The following XKR5 variants were observed in gnomAD, a reference collection of about 807,000 sequenced individuals.
XKR5 encodes the protein XK-related protein 5.
A neutral mutation model predicts 40.8 loss-of-function variants in XKR5; 46 were observed. That is an observed-to-expected ratio of 1.13 (90% CI 0.89 to 1.44). XKR5 has a LOEUF of 1.44. Ranked by LOEUF, XKR5 falls within the 40% of genes most tolerant of loss-of-function variation. The probability of loss-of-function intolerance (pLI) is 0.00; values close to 1 mark genes in which losing one functional copy is unlikely to be tolerated. For synonymous variants in XKR5, 466 were observed against 356.1 expected, an observed-to-expected ratio of 1.31 and a Z score of -3.48; for missense variants, 1,169 against 844.7, an observed-to-expected ratio of 1.38 and a Z score of -4.76.
intron 2 of XKR5, among the ~76,000 whole-genome samples, chr8:6,831,613 C>T (rs1004866497): frequency 1.3e-5 from 2 of 152,144 alleles, no homozygotes; most frequent in African/African-American, 2.4e-5. Flanking sequence ...CACACAGCAG[C>T]ATTGGCCACG....
intron 6 of XKR5, among the ~76,000 whole-genome samples, chr8:6,812,788 G>A (rs1803797302): frequency 6.6e-6 from 1 of 152,012 alleles, no homozygotes; most frequent in Non-Finnish European, 1.5e-5. Context: ...GGGAAGGGAG[G>A]GCATTAAGAA....
Position 6,815,912 on chromosome 8 carries a change from G to T in XKR5, c.814C>A (p.Leu272Met), listed in dbSNP as rs1348651770. 5 of 1,596,536 alleles carry T rather than the reference G, an allele frequency of 3.1e-6. No homozygotes were observed. The highest frequency in any genetic ancestry group is 4.3e-6 in the Non-Finnish European group (5 of 1,171,460). ...NRMVTFYMVM[L>M]LENIILLLLA... ...AGCAACAGGATGATGTTCTCCAACA[G>T]CATGACCTGCGGGACCCAGGACAGA... Residue 272 changes from leucine to methionine, a missense_variant, in exon 6 of 7, where the codon CTG becomes ATG. Coordinates refer to ENST00000618742, the MANE Select transcript of XKR5 (RefSeq NM_207411.5).
At chr8:6,832,627 G>C in intron 2 of XKR5, 90 bp downstream of exon 2, 2 of 1,529,330 alleles carry the variant, frequency 1.3e-6, no homozygotes, top group Admixed American at 1.9e-5. Context: ...ACTTTTATGA[G>C]CTTGAGGACA....
At position 6,832,871 on chromosome 8, in the gene XKR5, TGGTG is replaced by T. The variant is rs780779978; in HGVS notation, c.84_87del (p.Phe28LeufsTer24). 1.8e-5 allele frequency: 29 copies of T among 1,605,446 alleles called. No homozygotes were observed. Among genetic ancestry groups the T allele is most frequent in the Non-Finnish European group, 2.5e-5 (29 of 1,176,962 alleles). On this transcript the variant is annotated frameshift_variant, in exon 2 of 7. Transcript: ENST00000618742. LOFTEE classifies it high-confidence loss of function. ...AGCCACCCCCACAGAAGCCGTCCTG[TGGTG>T]AAGTAGTAAGCCACGGTGTAAAGGC...
intron 2 of XKR5, among the ~76,000 whole-genome samples, chr8:6,830,219 A>T (rs559565835): frequency 1.2e-4 from 19 of 152,252 alleles, no homozygotes; most frequent in African/African-American, 4.6e-4. Context: ...TGATGAGGAC[A>T]CTCAAAGTGA....
intron 2 of XKR5, among the ~76,000 whole-genome samples, chr8:6,829,958 C>G (rs548802585): frequency 1.3e-5 from 2 of 151,776 alleles, no homozygotes; most frequent in South Asian, 4.2e-4. Context: ...CTGCCTCAGC[C>G]TCCCAAGTAG....
intron 5 of XKR5, among the ~76,000 whole-genome samples, chr8:6,821,589 CA>C (rs1401078473): frequency 1.3e-5 from 2 of 152,254 alleles, no homozygotes. Flanking sequence ...TAATGATATT[CA>C]GCAGGTGGGC....
chr8:6,835,395 G>A, intron 1 of XKR5, 41 bp downstream of exon 1: 1 of 1,403,694 alleles, frequency 7.1e-7, no homozygotes, highest in Non-Finnish European at 9.2e-7. Flanking sequence ...GTGGGGTTAG[G>A]GGCTGCAGGG....
At chr8:6,823,069 G>A (rs1405484934) in intron 4 of XKR5, among the ~76,000 whole-genome samples, 3 of 152,188 alleles carry the variant, frequency 2.0e-5, no homozygotes, top group African/African-American at 7.2e-5. Flanking sequence ...TTAGCTGGGA[G>A]TGTTGAGGGC....
intron 3 of XKR5, 68 bp from the exon 4 acceptor site, chr8:6,823,798 C>T: frequency 1.3e-5 from 17 of 1,335,972 alleles, no homozygotes; most frequent in Non-Finnish European, 1.8e-5. Context: ...TGTGAAGATT[C>T]ACTCATGGCA....
rs190808374 is a variant in XKR5 at position 6,814,771 on chromosome 8, G to A, written c.919+1036C>T. The stretch of plus-strand genomic sequence containing the variant: ...GAAGAAGAACAGAGCTGAAACCCAG[G>A]GTGGCCTGTGGCTCTCAAATGCTTG... On this transcript the variant is annotated intron_variant, in intron 6 of 6. Coordinates refer to ENST00000618742, the MANE Select transcript of XKR5 (RefSeq NM_207411.5). Among the ~76,000 whole-genome samples the A allele has an allele frequency of 4.6e-5, 7 of 152,286 alleles. No individual in the cohort carries two copies. The East Asian group carries it at 1.3e-3, about 29-fold the overall frequency.
At chr8:6,814,918 C>A (rs1339494872) in intron 6 of XKR5, among the ~76,000 whole-genome samples, 4 of 152,214 alleles carry the variant, frequency 2.6e-5, no homozygotes, top group Admixed American at 2.6e-4. Flanking sequence ...CACATCCAAC[C>A]CCCGGCTGCT....
intron 1 of XKR5, among the ~76,000 whole-genome samples, chr8:6,835,168 T>A (rs1804957188): frequency 1.5e-5 from 2 of 137,224 alleles, no homozygotes; most frequent in South Asian, 4.8e-4. Flanking sequence ...CGGGAGGAAG[T>A]CAAGCACCAG....
intron 2 of XKR5, among the ~76,000 whole-genome samples, chr8:6,828,813 T>C (rs1804632883): frequency 6.6e-6 from 1 of 152,210 alleles, no homozygotes; most frequent in Non-Finnish European, 1.5e-5. Flanking sequence ...CTCCAATGCC[T>C]GAGGATAAAA....
At chr8:6,829,293 A>G (rs939966216) in intron 2 of XKR5, 8 of 169,270 alleles carry the variant, frequency 4.7e-5, no homozygotes, top group African/African-American at 1.9e-4. Context: ...TGCATTTACA[A>G]GTGGATTTGT....
At position 6,823,608 on chromosome 8, in the gene XKR5, G is replaced by C. The variant is rs373046775; in HGVS notation, c.550C>G (p.Leu184Val). ...MPWAALFCQQLWRMGMLGTRV... is the reference protein window; with the variant it reads ...MPWAALFCQQVWRMGMLGTRV... ...GTTCCCAACATGCCCATCCTCCAGAGCTGCTGGCAGAAGAGGGCGGCCCAT... is the reference window on the plus strand; with the variant it reads ...GTTCCCAACATGCCCATCCTCCAGACCTGCTGGCAGAAGAGGGCGGCCCAT... The change falls in exon 4 of 7, where the codon CTC (leucine) becomes GTC (valine). Residue 184 changes from leucine to valine, a missense_variant. Physicochemically the swap from Leu to Val is conservative, Grantham distance 32. Transcript: ENST00000618742. The C allele has an allele frequency of 5.2e-5, 83 of 1,595,844 alleles. No homozygotes were observed. Among genetic ancestry groups the C allele is most frequent in the Non-Finnish European group, 6.8e-5 (80 of 1,171,338 alleles).
Position 6,810,792 on chromosome 8 carries a change from G to A in XKR5, c.*406C>T, listed in dbSNP as rs1803642675. 6.2e-6 allele frequency: 1 copy of A among 162,500 alleles called. No homozygotes were observed. The highest frequency in any genetic ancestry group is 2.4e-5 in the African/African-American group (1 of 41,666). The allele number at this position is 162,500 out of a possible 1,614,324, so 10.1% of individuals were successfully genotyped here. Reference sequence around the variant, plus strand: ...ATACAGTTAGAATATATTAAAATGAGATTCATAACCGCTAAATGTGAGGCA... The same window carrying A: ...ATACAGTTAGAATATATTAAAATGAAATTCATAACCGCTAAATGTGAGGCA... On this transcript the variant is annotated 3_prime_UTR_variant, in exon 7 of 7. Coordinates refer to ENST00000618742, the MANE Select transcript of XKR5 (RefSeq NM_207411.5).
At position 6,811,719 on chromosome 8, in the gene XKR5, C is replaced by T. The variant is rs1461096194; in HGVS notation, c.1540G>A (p.Glu514Lys). Residue 514 changes from glutamate to lysine, a missense_variant, in exon 7 of 7, where the codon GAA becomes AAA. Coordinates refer to ENST00000618742, the MANE Select transcript of XKR5 (RefSeq NM_207411.5). ...AATQGEGTPK[E>K]GADAVSGTQG... ...GTCCCAGAAACAGCGTCAGCTCCTT[C>T]CTTTGGGGTGCCCTCCCCCTGCGTG... 3.3e-6 allele frequency: 5 copies of T among 1,537,538 alleles called. No homozygotes were observed. The highest frequency in any genetic ancestry group is 3.5e-6 in the Non-Finnish European group (4 of 1,147,034).
intron 3 of XKR5, among the ~76,000 whole-genome samples, chr8:6,824,137 A>G (rs544651534): frequency 1.3e-5 from 2 of 152,332 alleles, no homozygotes; most frequent in Non-Finnish European, 2.9e-5. Context: ...TGTTTTATCC[A>G]TATGAAGGAG....
Sources: gnomAD v4.1 joint callset for allele counts (sites outside exome capture counted in the v4.1 genomes callset) on GRCh38, gnomAD v4.1.1 for gene constraint, MANE v1.5 for transcripts, NCBI Gene and HGNC (gene_info 2026-07-23, HGNC 2026-07-21) for gene names.